The following LRRC37A2 variants were observed in gnomAD, a reference collection of about 807,000 sequenced individuals.
The protein encoded by LRRC37A2 is leucine rich repeat containing 37 member A2, also known as leucine-rich repeat-containing protein 37A2.
A neutral mutation model predicts 68.8 loss-of-function variants in LRRC37A2; 9 were observed. That is an observed-to-expected ratio of 0.13 (90% CI 0.08 to 0.23). The LOEUF (loss-of-function observed/expected upper bound fraction) is 0.23. LRRC37A2 is among the 10% of genes least tolerant of loss of function. LRRC37A2 has a pLI of 1.00. For synonymous variants in LRRC37A2, 63 were observed against 367.6 expected (o/e 0.17, Z 9.48); for missense variants, 168 against 950.4 (o/e 0.18, Z 10.82).
At chr17:47,006,314 T>C in the LRRC37A2 span, among the ~76,000 whole-genome samples, 8 of 152,000 alleles carry the variant, frequency 5.3e-5, no homozygotes, top group African/African-American at 1.9e-4. Context: ...AAAAATAAAA[T>C]AAATTAATTA....
At chr17:46,409,286 T>A in the LRRC37A2 span, among the ~76,000 whole-genome samples, 1 of 151,010 alleles carries the variant, frequency 6.6e-6, no homozygotes, top group Non-Finnish European at 1.5e-5. Flanking sequence ...AGATACAGTC[T>A]TCTTTTTTTT....
At chr17:47,038,228 G>T in the LRRC37A2 span, among the ~76,000 whole-genome samples, 4 of 152,212 alleles carry the variant, frequency 2.6e-5, no homozygotes, top group Admixed American at 6.5e-5. Context: ...ATCACTTGAG[G>T]AGATCAGGGC....
the LRRC37A2 span, among the ~76,000 whole-genome samples, chr17:46,996,245 A>G: frequency 6.6e-6 from 1 of 152,158 alleles, no homozygotes. Flanking sequence ...TGACTCATTT[A>G]AGCAGATATT....
chr17:47,029,276 T>C, the LRRC37A2 span, among the ~76,000 whole-genome samples: 1 of 151,536 alleles, frequency 6.6e-6, no homozygotes, highest in Non-Finnish European at 1.5e-5. Context: ...TGTTAAGCTA[T>C]TGTGCAAAAA....
the LRRC37A2 span, among the ~76,000 whole-genome samples, chr17:46,805,805 C>G: frequency 9.0e-3 from 1,373 of 152,220 alleles, 20 homozygotes; most frequent in African/African-American, 0.027. Context: ...GGAAGAAAAC[C>G]TGGGCCTGGA....
chr17:46,729,592 C>T, the LRRC37A2 span, among the ~76,000 whole-genome samples: 1 of 152,210 alleles, frequency 6.6e-6, no homozygotes, highest in East Asian at 1.9e-4. Flanking sequence ...TTGGCTGTGT[C>T]ACAAGACATG....
chr17:46,488,692 G>A, the LRRC37A2 span, among the ~76,000 whole-genome samples: 30 of 141,420 alleles, frequency 2.1e-4, 1 homozygote, highest in Admixed American at 1.7e-3. Context: ...GTGACAGAAC[G>A]AGACTCTGTC....
the LRRC37A2 span, chr17:46,755,575 C>G: frequency 1.5e-6 from 1 of 684,372 alleles, no homozygotes; most frequent in Non-Finnish European, 2.4e-6. Flanking sequence ...ACTTCCTTGT[C>G]ACAATGCAGG....
At chr17:46,877,186 C>A in the LRRC37A2 span, 2 of 650,736 alleles carry the variant, frequency 3.1e-6, no homozygotes, top group Non-Finnish European at 3.8e-6. Context: ...ATGGGTCAAT[C>A]GGGTCCTGTG....
At chr17:46,977,520 A>G in the LRRC37A2 span, among the ~76,000 whole-genome samples, 3 of 152,252 alleles carry the variant, frequency 2.0e-5, no homozygotes, top group African/African-American at 7.2e-5. Context: ...CTGCAAGGGA[A>G]GTTAGCACCT....
the LRRC37A2 span, among the ~76,000 whole-genome samples, chr17:46,690,630 T>A: frequency 1.7e-4 from 22 of 128,266 alleles, no homozygotes; most frequent in Non-Finnish European, 9.9e-5. Context: ...AAAAAATATA[T>A]ATATATATAT....
At chr17:46,797,635 C>T in the LRRC37A2 span, among the ~76,000 whole-genome samples, 1 of 152,222 alleles carries the variant, frequency 6.6e-6, no homozygotes, top group African/African-American at 2.4e-5. Context: ...CCCAAAGTTC[C>T]ACGCCTAGGC....
the LRRC37A2 span, among the ~76,000 whole-genome samples, chr17:46,797,417 A>G: frequency 2.0e-5 from 3 of 152,208 alleles, no homozygotes; most frequent in Non-Finnish European, 4.4e-5. Context: ...GAAAGGAAAG[A>G]GTTTTCCAGT....
chr17:46,878,746 C>G, the LRRC37A2 span, among the ~76,000 whole-genome samples: 1 of 152,234 alleles, frequency 6.6e-6, no homozygotes, highest in African/African-American at 2.4e-5. Flanking sequence ...CCAGAGCACC[C>G]TGATCCACCA....
At chr17:46,793,782 A>G in the LRRC37A2 span, among the ~76,000 whole-genome samples, 1 of 152,178 alleles carries the variant, frequency 6.6e-6, no homozygotes. Flanking sequence ...TTCCTCACAC[A>G]GCTTCTCCAT....
At chr17:46,568,938 T>C in the LRRC37A2 span, among the ~76,000 whole-genome samples, 2 of 124,106 alleles carry the variant, frequency 1.6e-5, no homozygotes, top group South Asian at 2.7e-4. Flanking sequence ...TACTTTTTTT[T>C]TCTCTTTTTT....
the LRRC37A2 span, among the ~76,000 whole-genome samples, chr17:46,901,042 T>G: frequency 1.3e-5 from 2 of 152,222 alleles, no homozygotes; most frequent in African/African-American, 4.8e-5. Flanking sequence ...TACATAGGCA[T>G]TAAAAGAAGA....
At chr17:46,906,604 A>T in the LRRC37A2 span, among the ~76,000 whole-genome samples, 3 of 152,140 alleles carry the variant, frequency 2.0e-5, no homozygotes, top group Non-Finnish European at 1.5e-5. Flanking sequence ...ATTTTATTTA[A>T]TATAACACTC....
At chr17:46,887,787 AAG>A in the LRRC37A2 span, among the ~76,000 whole-genome samples, 4 of 152,162 alleles carry the variant, frequency 2.6e-5, no homozygotes, top group South Asian at 4.2e-4. Context: ...GAAAGAAAGA[AAG>A]AAATCTCTGA....
Sources: gnomAD v4.1 joint callset for allele counts (sites outside exome capture counted in the v4.1 genomes callset) on GRCh38, gnomAD v4.1.1 for gene constraint, MANE v1.5 for transcripts, NCBI Gene and HGNC (gene_info 2026-07-23, HGNC 2026-07-21) for gene names.